Variants in SPATA13 observed in about 807,000 individuals in gnomAD.
The protein encoded by SPATA13 is spermatogenesis associated 13, also known as spermatogenesis-associated protein 13.
Under a neutral mutation model 104.0 loss-of-function variants are expected in SPATA13, and 50 were observed. The observed-to-expected ratio is 0.48, with a 90% CI of 0.38 to 0.61. SPATA13 has a LOEUF of 0.61. SPATA13 is among the 20% of genes least tolerant of loss of function. The pLI is 0.00. For missense variants in SPATA13, 1,524 were observed against 1,690.6 expected (o/e 0.90, Z 1.73); for synonymous variants, 606 against 667.5 (o/e 0.91, Z 1.42).
intron 1 of SPATA13, among the ~76,000 whole-genome samples, chr13:24,215,896 T>C (rs1871238022): frequency 6.6e-6 from 1 of 152,194 alleles, no homozygotes; most frequent in South Asian, 2.1e-4. Context: ...AGGTGCAGTC[T>C]TGTGGTGACA....
intron 3 of SPATA13, among the ~76,000 whole-genome samples, chr13:24,025,192 GTTTA>G (rs1044001568): frequency 3.1e-5 from 1 of 32,672 alleles, no homozygotes; most frequent in African/African-American, 1.0e-4. Flanking sequence ...TCCTATTTTT[GTTTA>G]TTTCCTAAAA....
Position 24,114,204 on chromosome 13 carries a change from C to T in SPATA13, c.-112+96503C>T, listed in dbSNP as rs77130886. 3.9e-4 allele frequency among the ~76,000 whole-genome samples: 59 copies of T among 152,294 alleles called. No homozygotes were observed. The South Asian group carries it at 9.3e-3, about 24-fold the overall frequency. On this transcript the variant is annotated intron_variant, in intron 3 of 14. Transcript: ENST00000424834. The stretch of plus-strand genomic sequence containing the variant: ...AGAAACAGCTTTTGGAGAGACTGCC[C>T]GCCAGTTTTTTGAAAGCCTACAAAA...
chr13:24,121,421 C>T (rs531698731), intron 3 of SPATA13, among the ~76,000 whole-genome samples: 1 of 152,270 alleles, frequency 6.6e-6, no homozygotes, highest in East Asian at 1.9e-4. Flanking sequence ...CTATTTTATA[C>T]ATAGGCTAGC....
At chr13:24,199,293 G>A (rs1870271986) in intron 1 of SPATA13, among the ~76,000 whole-genome samples, 1 of 152,160 alleles carries the variant, frequency 6.6e-6, no homozygotes, top group African/African-American at 2.4e-5. Flanking sequence ...TCGGAAGGTG[G>A]GAAGCTGGGA....
chr13:24,110,910 G>A (rs1371473459), intron 3 of SPATA13, among the ~76,000 whole-genome samples: 1 of 150,272 alleles, frequency 6.7e-6, no homozygotes, highest in Non-Finnish European at 1.5e-5. Context: ...GCATATTCTT[G>A]ATTATCTCTT....
chr13:23,996,760 A>G (rs781043045), intron 2 of SPATA13, among the ~76,000 whole-genome samples: 4 of 152,192 alleles, frequency 2.6e-5, no homozygotes, highest in Non-Finnish European at 1.5e-5. Context: ...GCCACACATA[A>G]TTTAACAAGA....
rs139947223 is a variant in SPATA13, at chr13:24,291,540, G to A, written c.3080+656G>A. On this transcript the variant is annotated intron_variant, in intron 9 of 12. Transcript: ENST00000382108. Reference sequence around the variant, plus strand: ...GGCCCTGAGCCGTTCCCTACCCACCGGGGTGCCGACTCTCTGGTCTTCTCC... The same window carrying A: ...GGCCCTGAGCCGTTCCCTACCCACCAGGGTGCCGACTCTCTGGTCTTCTCC... 6.2e-3 allele frequency among the ~76,000 whole-genome samples: 948 copies of A among 152,250 alleles called. 10 individuals carry two copies. Among genetic ancestry groups the A allele is most frequent in the African/African-American group, 0.022 (910 of 41,550 alleles).
chr13:24,223,129 T>G lies in SPATA13; in HGVS notation c.200T>G (p.Leu67Arg). Residue 67 changes from leucine (L) to arginine (R), a missense_variant, in exon 2 of 13, where the codon CTC becomes CGC. Physicochemically the swap from Leu to Arg is moderately radical, Grantham distance 102. Coordinates refer to ENST00000382108, the MANE Select transcript of SPATA13 (RefSeq NM_001166271.3). ...GGDTDTQEAK[L>R]SPAKLVRLFS... is the part of the protein sequence containing the mutation. ...GACACGGACACCCAGGAAGCCAAAC[T>G]CAGCCCAGCCAAGCTTGTGCGCCTC... 6.4e-7 allele frequency: 1 copy of G among 1,551,636 alleles called. No individual in the cohort carries two copies. The highest frequency in any genetic ancestry group is 8.7e-7 in the Non-Finnish European group (1 of 1,146,974).
intron 3 of SPATA13, among the ~76,000 whole-genome samples, chr13:24,140,366 G>A (rs111970685): frequency 8.5e-5 from 13 of 152,280 alleles, no homozygotes; most frequent in African/African-American, 2.9e-4. Context: ...CAGACAGAGA[G>A]GATATTTTCA....
intron 4 of SPATA13, among the ~76,000 whole-genome samples, chr13:24,253,955 A>C (rs950014096): frequency 1.3e-5 from 2 of 152,088 alleles, no homozygotes; most frequent in African/African-American, 2.4e-5. Flanking sequence ...GCTTGTTCTA[A>C]GTGTGGTGTG....
chr13:24,228,670 C>T (rs1047354103), intron 2 of SPATA13, among the ~76,000 whole-genome samples: 8 of 152,268 alleles, frequency 5.3e-5, no homozygotes, highest in Admixed American at 1.3e-4. Context: ...TGTAGCATTA[C>T]AAAATTAAAT....
At chr13:23,995,958 G>A (rs1450118568) in intron 2 of SPATA13, among the ~76,000 whole-genome samples, 2 of 152,180 alleles carry the variant, frequency 1.3e-5, no homozygotes, top group African/African-American at 4.8e-5. Context: ...GGAAAGACTT[G>A]AAGAGCTAGA....
intron 4 of SPATA13, among the ~76,000 whole-genome samples, chr13:24,271,140 G>A (rs1223107749): frequency 1.3e-5 from 2 of 151,846 alleles, no homozygotes; most frequent in Non-Finnish European, 2.9e-5. Flanking sequence ...GCTGAGGATA[G>A]TTTTAGTTGT....
intron 4 of SPATA13, among the ~76,000 whole-genome samples, chr13:24,279,892 C>G (rs9318448): frequency 0.17 from 25,810 of 152,234 alleles, 2,255 homozygotes; most frequent in Middle Eastern, 0.26. Context: ...TGAGTCAGCC[C>G]ACCCATGAGC....
At chr13:24,117,359 G>A (rs1430800199) in intron 3 of SPATA13, among the ~76,000 whole-genome samples, 4 of 152,140 alleles carry the variant, frequency 2.6e-5, no homozygotes, top group Non-Finnish European at 5.9e-5. Context: ...TCCTGGCTCT[G>A]TAACCTAGTT....
Position 23,988,239 on chromosome 13 carries a change from G to A in SPATA13, c.-147+4306G>A, listed in dbSNP as rs529719114. On this transcript the variant is annotated intron_variant, in intron 2 of 14. Coordinates refer to the SPATA13 transcript ENST00000424834. ...TGGGATTACAGGCGTGAGCCACTGCGCCCAGCCAATTTTGTTCCTTTTTAA... is the reference window on the plus strand; with the variant it reads ...TGGGATTACAGGCGTGAGCCACTGCACCCAGCCAATTTTGTTCCTTTTTAA... Among the ~76,000 whole-genome samples the A allele has an allele frequency of 2.6e-4, 39 of 152,274 alleles. 1 individual carries two copies. Among genetic ancestry groups the A allele is most frequent in the Middle Eastern group, 3.4e-3 (1 of 294 alleles).
intron 3 of SPATA13, among the ~76,000 whole-genome samples, chr13:24,073,188 T>C (rs1879226021): frequency 6.6e-6 from 1 of 152,174 alleles, no homozygotes; most frequent in Non-Finnish European, 1.5e-5. Context: ...AGTGGGGGAC[T>C]GTAGTGGACA....
chr13:24,059,507 CG>C (rs1878702971), intron 3 of SPATA13, among the ~76,000 whole-genome samples: 1 of 152,190 alleles, frequency 6.6e-6, no homozygotes, highest in African/African-American at 2.4e-5. Flanking sequence ...CTTACACTAA[CG>C]CTTTTGTTTC....
chr13:23,998,345 T>C (rs1194586178), intron 2 of SPATA13, among the ~76,000 whole-genome samples: 1 of 152,222 alleles, frequency 6.6e-6, no homozygotes, highest in East Asian at 1.9e-4. Flanking sequence ...TGAGCTTTTT[T>C]CTTGTTCTTA....
Sources: gnomAD v4.1 joint callset for allele counts (sites outside exome capture counted in the v4.1 genomes callset) on GRCh38, gnomAD v4.1.1 for gene constraint, MANE v1.5 for transcripts, NCBI Gene and HGNC (gene_info 2026-07-23, HGNC 2026-07-21) for gene names.